The following MEF2C variants were observed in gnomAD, a reference collection of about 807,000 sequenced individuals.
MEF2C encodes the protein myocyte-specific enhancer factor 2C.
In MEF2C, 6 loss-of-function variants were observed where a neutral mutation model predicts 50.5. The ratio of observed to expected loss-of-function variants is 0.12; its 90% CI spans 0.07 to 0.23. MEF2C has a LOEUF of 0.23. Ranked by LOEUF, MEF2C falls within the 10% of genes least tolerant of loss-of-function variation. The probability of loss-of-function intolerance (pLI) is 1.00; values close to 1 mark genes in which losing one functional copy is unlikely to be tolerated. For missense variants in MEF2C, 276 were observed against 605.0 expected, an observed-to-expected ratio of 0.46 and a Z score of 5.70; for synonymous variants, 183 against 228.0, an observed-to-expected ratio of 0.80 and a Z score of 1.78.
intron 1 of MEF2C, chr5:88,839,277 G>A (rs1175197652): frequency 1.3e-5 from 2 of 151,402 alleles, no homozygotes; most frequent in East Asian, 1.9e-4. Context: ...GATGAGAACA[G>A]GTCAGAACCA....
At chr5:88,816,909 CTGAT>C (rs1048084886) in intron 2 of MEF2C, among the ~76,000 whole-genome samples, 2 of 151,760 alleles carry the variant, frequency 1.3e-5, no homozygotes, top group African/African-American at 2.4e-5. Context: ...TAATTTTTCA[CTGAT>C]TGAGCTTTTT....
intron 6 of MEF2C, 146 bp downstream of exon 6, chr5:88,748,924 A>T: frequency 6.6e-7 from 1 of 1,508,844 alleles, no homozygotes; most frequent in Non-Finnish European, 8.9e-7. Context: ...TGCTTCAGAA[A>T]AGTGCTTTAA....
chr5:88,874,668 T>C (rs1411473580), intron 1 of MEF2C, among the ~76,000 whole-genome samples: 1 of 151,924 alleles, frequency 6.6e-6, no homozygotes, highest in African/African-American at 2.4e-5. Flanking sequence ...TATTTAAACA[T>C]AATTAAAATT....
intron 1 of MEF2C, among the ~76,000 whole-genome samples, chr5:88,876,756 TA>T (rs988761388): frequency 2.0e-4 from 31 of 151,956 alleles, no homozygotes; most frequent in African/African-American, 7.0e-4. Context: ...GGCTGATTTT[TA>T]AAAAAACACT....
At chr5:88,775,020 T>C in intron 3 of MEF2C, among the ~76,000 whole-genome samples, 1 of 152,256 alleles carries the variant, frequency 6.6e-6, no homozygotes. Flanking sequence ...CCTTAGTACC[T>C]GGCAGAGTAC....
chr5:88,807,032 A>T (rs1800750014), intron 2 of MEF2C, among the ~76,000 whole-genome samples: 1 of 152,178 alleles, frequency 6.6e-6, no homozygotes, highest in Non-Finnish European at 1.5e-5. Context: ...TTCCCATGAA[A>T]TTTTTTTAAC....
At chr5:88,730,092 A>G in intron 8 of MEF2C, 119 bp downstream of exon 8, 3 of 949,894 alleles carry the variant, frequency 3.2e-6, no homozygotes, top group Non-Finnish European at 4.6e-6. Context: ...GTATTTAAAC[A>G]TAATCAATGT....
chr5:88,828,384 A>T lies in MEF2C; in HGVS notation c.-142-4454T>A, dbSNP rs571076497. ...TAAAACATTGAAATATGTGATGTCA[A>T]TTTTCAAAAAAAAATTCCGGTTTTC... On this transcript the variant is annotated intron_variant, in intron 1 of 10. Coordinates refer to ENST00000504921, the MANE Select transcript of MEF2C (RefSeq NM_002397.5). 1.3e-3 allele frequency among the ~76,000 whole-genome samples: 204 copies of T among 152,106 alleles called. 2 individuals carry two copies. The highest frequency in any genetic ancestry group is 4.5e-3 in the African/African-American group (187 of 41,536).
At chr5:88,879,102 A>T (rs536188489) in intron 1 of MEF2C, among the ~76,000 whole-genome samples, 2 of 152,116 alleles carry the variant, frequency 1.3e-5, no homozygotes, top group Admixed American at 6.6e-5. Context: ...TATTAATTTT[A>T]TGTATCACAG....
At chr5:88,862,401 A>G (rs760870497) in intron 1 of MEF2C, among the ~76,000 whole-genome samples, 7 of 152,172 alleles carry the variant, frequency 4.6e-5, no homozygotes, top group Non-Finnish European at 8.8e-5. Context: ...CGTGTCTTAT[A>G]AGATCATGGT....
chr5:88,743,093 C>T (rs1767615557), intron 6 of MEF2C: 1 of 969,336 alleles, frequency 1.0e-6, no homozygotes, highest in Non-Finnish European at 1.2e-6. Flanking sequence ...CAAAACAGAA[C>T]CCAACTATTA....
intron 2 of MEF2C, among the ~76,000 whole-genome samples, chr5:88,816,225 T>C (rs1027834828): frequency 1.3e-5 from 2 of 152,032 alleles, no homozygotes; most frequent in African/African-American, 4.8e-5. Flanking sequence ...ATGAATGAGA[T>C]TGACGGGAGT....
intron 1 of MEF2C, chr5:88,839,351 C>CTCTCTCTATCTATCTA (rs10694803): frequency 1.3e-3 from 185 of 146,396 alleles, no homozygotes; most frequent in African/African-American, 4.6e-3. Flanking sequence ...CTCTCTCTCT[C>CTCTCTCTATCTATCTA]TCTATCTATC....
chr5:88,727,232 T>A (rs1021854318), intron 10 of MEF2C, among the ~76,000 whole-genome samples: 1 of 152,164 alleles, frequency 6.6e-6, no homozygotes, highest in Non-Finnish European at 1.5e-5. Context: ...TCTGCGCTGA[T>A]CAATATGTAA....
intron 6 of MEF2C, chr5:88,740,363 A>T: frequency 3.0e-6 from 3 of 985,122 alleles, no homozygotes; most frequent in Non-Finnish European, 3.6e-6. Context: ...AAGAAATTTT[A>T]CTTATTACTA....
intron 3 of MEF2C, among the ~76,000 whole-genome samples, chr5:88,789,380 C>G (rs1792636738): frequency 6.6e-6 from 1 of 151,926 alleles, no homozygotes; most frequent in African/African-American, 2.4e-5. Flanking sequence ...GTTGCCCAGG[C>G]TGGTCTTGAA....
At chr5:88,749,984 G>C (rs1470944135) in intron 5 of MEF2C, 1 of 163,136 alleles carries the variant, frequency 6.1e-6, no homozygotes, top group African/African-American at 2.4e-5. Context: ...GAGCCGAGAT[G>C]GTGCCACTGC....
At position 88,751,988 on chromosome 5, in the gene MEF2C, T is replaced by C; in HGVS notation, c.458A>G (p.Asn153Ser). ...GACAGGGTTGCTGTACACCAAACTG[T>C]TGTGGCTGGACACTGGGATGGAGAC... is the stretch of plus-strand genomic sequence containing the variant. ...MPVSIPVSSH[N>S]SLVYSNPVSS... is the part of the protein sequence containing the mutation. The change falls in exon 5 of 11, where the codon AAC (asparagine) becomes AGC (serine). Residue 153 changes from asparagine to serine, a missense_variant. Physicochemically the swap from Asn to Ser is conservative, Grantham distance 46. Coordinates refer to ENST00000504921, the MANE Select transcript of MEF2C (RefSeq NM_002397.5). 1 of 1,613,884 alleles carries C rather than the reference T, an allele frequency of 6.2e-7. No individual in the cohort carries two copies. The highest frequency in any genetic ancestry group is 8.5e-7 in the Non-Finnish European group (1 of 1,179,820).
chr5:88,755,700 AT>A (rs1480472408), intron 4 of MEF2C, among the ~76,000 whole-genome samples: 1 of 152,260 alleles, frequency 6.6e-6, no homozygotes, highest in Non-Finnish European at 1.5e-5. Context: ...GTTACTACTT[AT>A]AAATGTTTAA....
Sources: allele counts gnomAD v4.1 joint callset (sites outside exome capture counted in the v4.1 genomes callset), GRCh38; gene constraint gnomAD v4.1.1; transcripts MANE v1.5; gene names NCBI Gene and HGNC (gene_info 2026-07-23, HGNC 2026-07-21).